Variants in NR6A1 observed in about 807,000 individuals in gnomAD.
The protein encoded by NR6A1 is retinoic acid receptor-related testis-associated receptor.
Under a neutral mutation model 59.1 loss-of-function variants are expected in NR6A1, and 7 were observed. That is an observed-to-expected ratio of 0.12 (90% CI 0.07 to 0.22). The LOEUF (loss-of-function observed/expected upper bound fraction) is 0.22. Ranked by LOEUF, NR6A1 falls within the 10% of genes least tolerant of loss-of-function variation. The pLI, the probability that NR6A1 is intolerant of heterozygous loss-of-function variation, is 1.00. For synonymous variants in NR6A1, 243 were observed against 236.1 expected, an observed-to-expected ratio of 1.03 and a Z score of -0.27; for missense variants, 468 against 611.6, an observed-to-expected ratio of 0.77 and a Z score of 2.48.
intron 2 of NR6A1, among the ~76,000 whole-genome samples, chr9:124,704,301 G>A (rs530952645): frequency 2.0e-5 from 3 of 152,270 alleles, no homozygotes; most frequent in East Asian, 1.9e-4. Flanking sequence ...TCTTTTCAGA[G>A]GACCAACTTT....
chr9:124,557,548 G>A (rs1415433790), intron 2 of NR6A1, among the ~76,000 whole-genome samples: 1 of 152,106 alleles, frequency 6.6e-6, no homozygotes, highest in African/African-American at 2.4e-5. Context: ...AAATGGCCCT[G>A]GTGTGATCAG....
rs114611270 is a variant in NR6A1 at position 124,626,120 on chromosome 9, G to A, written c.143-71550C>T. 7.0e-3 allele frequency among the ~76,000 whole-genome samples: 1,058 copies of A among 152,226 alleles called. 11 individuals carry two copies. The highest frequency in any genetic ancestry group is 0.025 in the African/African-American group (1,026 of 41,530). On this transcript the variant is annotated intron_variant, in intron 2 of 9. Coordinates refer to ENST00000487099, the MANE Select transcript of NR6A1 (RefSeq NM_033334.4). ...CTGCGGGCTCAAGCAATTCTCCTGC[G>A]TCAGCCTTCCGAGCAGCTGGGACTA...
intron 2 of NR6A1, among the ~76,000 whole-genome samples, chr9:124,650,228 A>C (rs1296161878): frequency 6.6e-6 from 1 of 152,232 alleles, no homozygotes; most frequent in Non-Finnish European, 1.5e-5. Context: ...GATAAATAAA[A>C]TGTGCATAAG....
At chr9:124,564,413 T>C (rs1834172844) in intron 2 of NR6A1, among the ~76,000 whole-genome samples, 1 of 152,174 alleles carries the variant, frequency 6.6e-6, no homozygotes, top group South Asian at 2.1e-4. Context: ...ATTAACCATA[T>C]TTCTATACCA....
rs117782568 is a variant in NR6A1, at chr9:124,600,428, G to A, written c.143-45858C>T. On this transcript the variant is annotated intron_variant, in intron 2 of 9. Transcript: ENST00000487099. ...TCCAGTTATGCCTTCAACTCCTGGA[G>A]GTGGAAAGAATTCATAGTTCAGGAA... Among the ~76,000 whole-genome samples the A allele has an allele frequency of 8.3e-3, 1,261 of 152,216 alleles. 7 individuals carry two copies. The highest frequency in any genetic ancestry group is 0.013 in the Non-Finnish European group (882 of 68,014).
intron 1 of NR6A1, among the ~76,000 whole-genome samples, chr9:124,755,952 C>T (rs1840621156): frequency 6.6e-6 from 1 of 152,100 alleles, no homozygotes; most frequent in Non-Finnish European, 1.5e-5. Context: ...CTGAATAGCA[C>T]AAAATGACAC....
chr9:124,661,189 A>C (rs915431861), intron 2 of NR6A1, among the ~76,000 whole-genome samples: 6 of 152,212 alleles, frequency 3.9e-5, no homozygotes, highest in Non-Finnish European at 7.3e-5. Context: ...AGAAAAAAAA[A>C]CTACACTTTA....
chr9:124,761,301 G>C (rs1363219442), intron 1 of NR6A1, among the ~76,000 whole-genome samples: 1 of 152,186 alleles, frequency 6.6e-6, no homozygotes, highest in Non-Finnish European at 1.5e-5. Flanking sequence ...AGAGCTCTTA[G>C]GAAGGAAGCC....
At chr9:124,598,366 GAA>G (rs2130815315) in intron 2 of NR6A1, among the ~76,000 whole-genome samples, 2 of 147,996 alleles carry the variant, frequency 1.4e-5, no homozygotes, top group East Asian at 3.9e-4. Context: ...AAAAAAAAAA[GAA>G]GAAGAAGAAA....
At chr9:124,552,021 C>T (rs1055530425) in intron 3 of NR6A1, among the ~76,000 whole-genome samples, 12 of 152,206 alleles carry the variant, frequency 7.9e-5, no homozygotes, top group African/African-American at 2.9e-4. Flanking sequence ...CCCTGTCCCT[C>T]ATACTCCGTG....
chr9:124,623,124 C>A (rs1020764225), intron 2 of NR6A1, among the ~76,000 whole-genome samples: 2 of 152,224 alleles, frequency 1.3e-5, no homozygotes, highest in Non-Finnish European at 2.9e-5. Flanking sequence ...TATCAGCCAG[C>A]CCTCTGCAGA....
intron 2 of NR6A1, among the ~76,000 whole-genome samples, chr9:124,611,280 G>A (rs1361933042): frequency 6.6e-6 from 1 of 152,028 alleles, no homozygotes; most frequent in Non-Finnish European, 1.5e-5. Context: ...CCTAGCAGTA[G>A]TTATTATTTT....
intron 2 of NR6A1, among the ~76,000 whole-genome samples, chr9:124,708,465 C>T (rs1839193838): frequency 6.6e-6 from 1 of 152,124 alleles, no homozygotes; most frequent in Non-Finnish European, 1.5e-5. Context: ...ATTTTTTGAC[C>T]TCCTCATTCA....
chr9:124,580,425 G>GC (rs1554729738), intron 2 of NR6A1, among the ~76,000 whole-genome samples: 6 of 148,646 alleles, frequency 4.0e-5, no homozygotes, highest in African/African-American at 1.5e-4. Context: ...ATGAAAGAAG[G>GC]TTTTTTTTTT....
intron 2 of NR6A1, among the ~76,000 whole-genome samples, chr9:124,555,953 G>C (rs536145968): frequency 7.2e-5 from 11 of 152,332 alleles, no homozygotes; most frequent in Admixed American, 1.3e-4. Flanking sequence ...AATGTTAGCA[G>C]AGGGTCATGG....
chr9:124,603,832 A>G (rs1835510642), intron 2 of NR6A1, among the ~76,000 whole-genome samples: 1 of 152,174 alleles, frequency 6.6e-6, no homozygotes, highest in South Asian at 2.1e-4. Context: ...CCGCAAAGCC[A>G]AAACCAGTTT....
chr9:124,600,951 G>GGA (rs1311922237), intron 2 of NR6A1, among the ~76,000 whole-genome samples: 1 of 125,030 alleles, frequency 8.0e-6, no homozygotes, highest in African/African-American at 2.9e-5. Context: ...GGCTGTGGGG[G>GGA]AAAAAAAAAA....
chr9:124,568,283 C>T (rs552136795), intron 2 of NR6A1, among the ~76,000 whole-genome samples: 16 of 149,558 alleles, frequency 1.1e-4, no homozygotes, highest in Admixed American at 7.3e-4. Flanking sequence ...GTCAGGAGTT[C>T]GAGACCAGCC....
At chr9:124,757,429 G>A (rs1359647863) in intron 1 of NR6A1, among the ~76,000 whole-genome samples, 16 of 138,106 alleles carry the variant, frequency 1.2e-4, no homozygotes, top group South Asian at 2.3e-4. Flanking sequence ...AGCAGAAAAC[G>A]TAATAGTATA....
Sources: gnomAD v4.1 joint callset for allele counts (sites outside exome capture counted in the v4.1 genomes callset) on GRCh38, gnomAD v4.1.1 for gene constraint, MANE v1.5 for transcripts, NCBI Gene and HGNC (gene_info 2026-07-23, HGNC 2026-07-21) for gene names.